STK39: variants seen among roughly 807,000 people sequenced by gnomAD.
STK39 encodes the protein STE20/SPS1-related proline-alanine-rich protein kinase.
Under a neutral mutation model 77.8 loss-of-function variants are expected in STK39, and 20 were observed. The ratio of observed to expected loss-of-function variants is 0.26; its 90% CI spans 0.18 to 0.37. STK39 has a LOEUF of 0.37. Ranked by LOEUF, STK39 falls within the 10% of genes least tolerant of loss-of-function variation. The pLI is 1.00. For synonymous variants in STK39, 246 were observed against 234.1 expected (o/e 1.05, Z -0.47); for missense variants, 479 against 656.5 (o/e 0.73, Z 2.95).
At chr2:167,963,150 A>G (rs1446439435) in intron 17 of STK39, among the ~76,000 whole-genome samples, 1 of 152,184 alleles carries the variant, frequency 6.6e-6, no homozygotes, top group Non-Finnish European at 1.5e-5. Flanking sequence ...GTTTGTGAAG[A>G]TGAGAGAATC....
chr2:168,087,151 T>C (rs994975022), intron 10 of STK39, among the ~76,000 whole-genome samples: 3 of 152,160 alleles, frequency 2.0e-5, no homozygotes, highest in African/African-American at 7.2e-5. Context: ...AAACCAAATG[T>C]TTGGCTCCAG....
At chr2:168,247,152 C>T in intron 1 of STK39, 76 bp downstream of exon 1, 1 of 1,039,766 alleles carries the variant, frequency 9.6e-7, no homozygotes, top group Non-Finnish European at 1.2e-6. Flanking sequence ...TGCAGGCTAG[C>T]CCAGCATCCC....
intron 8 of STK39, among the ~76,000 whole-genome samples, chr2:168,132,725 G>A (rs1326927902): frequency 6.6e-6 from 1 of 152,122 alleles, no homozygotes; most frequent in Non-Finnish European, 1.5e-5. Context: ...CATGCACCAT[G>A]CTACCCACAT....
Position 168,180,542 on chromosome 2 carries a change from C to T in STK39, c.321+1436G>A, listed in dbSNP as rs545428714. 1.6e-4 allele frequency among the ~76,000 whole-genome samples: 24 copies of T among 152,126 alleles called. No individual in the cohort carries two copies. The East Asian group carries it at 2.1e-3, about 13-fold the overall frequency. On this transcript the variant is annotated intron_variant, in intron 2 of 17. Coordinates refer to ENST00000355999, the MANE Select transcript of STK39 (RefSeq NM_013233.3). The stretch of plus-strand genomic sequence containing the variant: ...TTCCAATTCAACTCTTTTTAAATCG[C>T]GCAGAGCTGTTGTGTAACTCTACTA...
chr2:168,175,222 C>T (rs962245598), intron 2 of STK39, among the ~76,000 whole-genome samples: 7 of 152,070 alleles, frequency 4.6e-5, no homozygotes, highest in African/African-American at 1.4e-4. Context: ...TCAACCTAAG[C>T]AACATTTTCC....
At chr2:168,144,024 T>C (rs1022470551) in intron 5 of STK39, among the ~76,000 whole-genome samples, 1 of 152,328 alleles carries the variant, frequency 6.6e-6, no homozygotes, top group Middle Eastern at 3.4e-3. Context: ...AGTAATTTGA[T>C]GTGCATTCAT....
At chr2:167,983,162 A>G (rs1483354672) in intron 16 of STK39, among the ~76,000 whole-genome samples, 5 of 152,186 alleles carry the variant, frequency 3.3e-5, no homozygotes, top group African/African-American at 1.2e-4. Flanking sequence ...TATGGTTAGA[A>G]GAATGTACTT....
chr2:168,127,020 A>T (rs1247312418), intron 10 of STK39, among the ~76,000 whole-genome samples: 1 of 152,238 alleles, frequency 6.6e-6, no homozygotes, highest in East Asian at 1.9e-4. Context: ...AGCAAAGAGC[A>T]AGTAAATGGC....
intron 5 of STK39, among the ~76,000 whole-genome samples, chr2:168,143,533 A>C (rs983631497): frequency 1.3e-5 from 2 of 152,184 alleles, no homozygotes; most frequent in Non-Finnish European, 2.9e-5. Context: ...CAACATGGTG[A>C]AACCCCATCT....
intron 15 of STK39, among the ~76,000 whole-genome samples, chr2:168,016,247 G>T (rs538098272): frequency 7.2e-5 from 11 of 152,134 alleles, no homozygotes; most frequent in African/African-American, 2.4e-4. Context: ...ATTTTTAAAA[G>T]ATACTTCATA....
At position 168,247,539 on chromosome 2, in the gene STK39, CCCCG is replaced by C; in HGVS notation, c.-108_-105del. 1.0e-6 allele frequency: 1 copy of C among 955,124 alleles called. No homozygotes were observed. Among genetic ancestry groups the C allele is most frequent in the Non-Finnish European group, 1.3e-6 (1 of 777,014 alleles). 59.2% of individuals were successfully genotyped at this position (955,124 alleles called of 1,614,324 possible). ...ACACCTCTCGGCCGGCGCACGCCCT[CCCCG>C]CCCGCCGCCGCCGCCGCCGTCCCCG... On this transcript the variant is annotated 5_prime_UTR_variant, in exon 1 of 18. Coordinates refer to ENST00000355999, the MANE Select transcript of STK39 (RefSeq NM_013233.3).
chr2:168,242,558 A>ATATATAT (rs1166980342), intron 1 of STK39, among the ~76,000 whole-genome samples: 11 of 63,582 alleles, frequency 1.7e-4, no homozygotes, highest in African/African-American at 7.6e-4. Flanking sequence ...AAAAAAAAAA[A>ATATATAT]AAATATATAT....
chr2:168,179,756 C>T (rs916423103), intron 2 of STK39, among the ~76,000 whole-genome samples: 12 of 152,162 alleles, frequency 7.9e-5, no homozygotes, highest in African/African-American at 2.2e-4. Context: ...GCTATGCTTA[C>T]TGGTTCCAGG....
chr2:168,191,804 A>G (rs567514992), intron 1 of STK39, among the ~76,000 whole-genome samples: 1 of 152,326 alleles, frequency 6.6e-6, no homozygotes, highest in East Asian at 1.9e-4. Flanking sequence ...TAATACGAAG[A>G]TCTTATTCAA....
At chr2:168,052,270 A>G (rs1196038850) in intron 14 of STK39, among the ~76,000 whole-genome samples, 1 of 152,186 alleles carries the variant, frequency 6.6e-6, no homozygotes, top group African/African-American at 2.4e-5. Context: ...TCGTTTGGTC[A>G]TATTTCCAGG....
At chr2:167,981,900 T>C (rs1683429470) in intron 16 of STK39, among the ~76,000 whole-genome samples, 1 of 152,226 alleles carries the variant, frequency 6.6e-6, no homozygotes, top group African/African-American at 2.4e-5. Flanking sequence ...TAGAGAGATC[T>C]TGCAGATAAC....
intron 16 of STK39, among the ~76,000 whole-genome samples, chr2:167,995,620 A>G (rs1162465851): frequency 6.6e-6 from 1 of 152,154 alleles, no homozygotes; most frequent in African/African-American, 2.4e-5. Flanking sequence ...GAGAGAGAAG[A>G]TGGAGGTGGT....
At chr2:167,972,850 C>T (rs1356966832) in intron 16 of STK39, among the ~76,000 whole-genome samples, 2 of 151,968 alleles carry the variant, frequency 1.3e-5, no homozygotes, top group African/African-American at 4.8e-5. Flanking sequence ...ATAAATCTCC[C>T]TCAAAATCTA....
At chr2:167,979,226 A>G (rs1316320733) in intron 16 of STK39, among the ~76,000 whole-genome samples, 1 of 152,172 alleles carries the variant, frequency 6.6e-6, no homozygotes, top group Admixed American at 6.5e-5. Flanking sequence ...TGATAGAAGT[A>G]TTTTTAATTT....
Sources: gnomAD v4.1 joint callset for allele counts (sites outside exome capture counted in the v4.1 genomes callset) on GRCh38, gnomAD v4.1.1 for gene constraint, MANE v1.5 for transcripts, NCBI Gene and HGNC (gene_info 2026-07-23, HGNC 2026-07-21) for gene names.